Variants in ELOVL6 observed in about 807,000 individuals in gnomAD.
ELOVL6 encodes the protein very long chain fatty acid elongase 6.
ELOVL6 carries 8 observed loss-of-function variants against 31.7 expected under a neutral mutation model. The ratio of observed to expected loss-of-function variants is 0.25; its 90% CI spans 0.15 to 0.45. ELOVL6 has a LOEUF of 0.45. Among genes scored for constraint, ELOVL6 ranks in the 20% least tolerant of loss-of-function variants. The pLI, the probability that ELOVL6 is intolerant of heterozygous loss-of-function variation, is 1.00. For synonymous variants in ELOVL6, 101 were observed against 117.7 expected (o/e 0.86, Z 0.92); for missense variants, 126 against 326.4 (o/e 0.39, Z 4.73).
At chr4:110,066,277 C>T (rs951605436) in intron 2 of ELOVL6, among the ~76,000 whole-genome samples, 1 of 152,086 alleles carries the variant, frequency 6.6e-6, no homozygotes, top group African/African-American at 2.4e-5. Flanking sequence ...AAATTAATCT[C>T]AAACCCACTG....
At chr4:110,141,072 G>C (rs1056731391) in intron 1 of ELOVL6, among the ~76,000 whole-genome samples, 2 of 150,900 alleles carry the variant, frequency 1.3e-5, no homozygotes, top group African/African-American at 4.9e-5. Flanking sequence ...GGTTTTTTTT[G>C]TTTTTTTTGA....
chr4:110,188,093 G>A (rs2126280646), intron 1 of ELOVL6, among the ~76,000 whole-genome samples: 1 of 152,242 alleles, frequency 6.6e-6, no homozygotes, highest in East Asian at 1.9e-4. Context: ...GTCAACAGTG[G>A]GTGGCTATTT....
chr4:110,070,740 C>G (rs1755450018), intron 2 of ELOVL6, among the ~76,000 whole-genome samples: 3 of 152,180 alleles, frequency 2.0e-5, no homozygotes, highest in Admixed American at 2.0e-4. Context: ...GCACCTCACC[C>G]TTGGCTCTCT....
chr4:110,084,020 C>CAT lies in ELOVL6; in HGVS notation c.221+21475_221+21476dup, dbSNP rs1332400001. Among the ~76,000 whole-genome samples, 18 of 4,032 alleles carry CAT rather than the reference C, an allele frequency of 4.5e-3. 1 individual carries two copies. The highest frequency in any genetic ancestry group is 8.6e-3 in the South Asian group (1 of 116). 2.6% of individuals were successfully genotyped at this position (4,032 alleles called of 152,430 possible). On this transcript the variant is annotated intron_variant, in intron 2 of 3. Transcript: ENST00000302274. ...AACATATGCCATATATGGTATATAA[C>CAT]ATATGCCATATATGGTATATAACAC...
intron 1 of ELOVL6, among the ~76,000 whole-genome samples, chr4:110,128,841 T>A (rs1578502260): frequency 6.6e-6 from 1 of 152,348 alleles, no homozygotes; most frequent in Admixed American, 6.5e-5. Context: ...CAGTCATCCA[T>A]ATTTCCAACC....
At chr4:110,084,093 CAT>C (rs372818778) in intron 2 of ELOVL6, among the ~76,000 whole-genome samples, 1,585 of 75,210 alleles carry the variant, frequency 0.021, 88 homozygotes, top group African/African-American at 0.025. Context: ...TGATATATAA[CAT>C]ATATATGATA....
At chr4:110,085,751 T>C (rs1578470164) in intron 2 of ELOVL6, among the ~76,000 whole-genome samples, 1 of 152,194 alleles carries the variant, frequency 6.6e-6, no homozygotes, top group East Asian at 1.9e-4. Flanking sequence ...AAACAGGACC[T>C]CACTTTGTCT....
intron 1 of ELOVL6, among the ~76,000 whole-genome samples, chr4:110,167,503 C>T (rs1758810641): frequency 6.6e-6 from 1 of 151,648 alleles, no homozygotes; most frequent in Non-Finnish European, 1.5e-5. Context: ...TTTTTGGTTG[C>T]AGAGAGGGGA....
At chr4:110,062,930 T>C (rs892404567) in intron 2 of ELOVL6, among the ~76,000 whole-genome samples, 2 of 152,208 alleles carry the variant, frequency 1.3e-5, no homozygotes, top group Non-Finnish European at 2.9e-5. Context: ...TATGAATTTT[T>C]TGAAGCAATA....
intron 2 of ELOVL6, among the ~76,000 whole-genome samples, chr4:110,084,191 A>ATGTGAT (rs1454578180): frequency 3.4e-5 from 3 of 87,228 alleles, no homozygotes; most frequent in African/African-American, 4.9e-5. Flanking sequence ...TATAACATAT[A>ATGTGAT]ACTTATATGA....
chr4:110,160,550 A>G (rs116418972), intron 1 of ELOVL6, among the ~76,000 whole-genome samples: 3,009 of 152,340 alleles, frequency 0.02, 49 homozygotes, highest in South Asian at 0.051. Flanking sequence ...GTGCTAGTTT[A>G]CAAGCTTCCA....
intron 1 of ELOVL6, among the ~76,000 whole-genome samples, chr4:110,159,187 ATAAAGATTTTCCTT>A (rs1011746641): frequency 3.3e-5 from 5 of 152,314 alleles, no homozygotes; most frequent in African/African-American, 1.2e-4. Flanking sequence ...CTTTATTTAA[ATAAAGATTTTCCTT>A]TATGCATTTA....
At chr4:110,131,839 A>G (rs1446570911) in intron 1 of ELOVL6, among the ~76,000 whole-genome samples, 3 of 152,224 alleles carry the variant, frequency 2.0e-5, no homozygotes, top group African/African-American at 7.2e-5. Context: ...ACAAGTAAAC[A>G]AAAATCTATA....
chr4:110,157,806 A>T (rs1380386901), intron 1 of ELOVL6, among the ~76,000 whole-genome samples: 1 of 152,242 alleles, frequency 6.6e-6, no homozygotes, highest in Non-Finnish European at 1.5e-5. Flanking sequence ...GCCCTCAGGG[A>T]ACTACACATG....
intron 1 of ELOVL6, among the ~76,000 whole-genome samples, chr4:110,183,612 A>AT (rs34605233): frequency 6.4e-4 from 96 of 149,742 alleles, no homozygotes; most frequent in Admixed American, 2.1e-3. Context: ...TTACAGATCT[A>AT]TTTTTTTTTT....
Position 110,157,249 on chromosome 4 carries a change from A to G in ELOVL6, c.89+40998T>C, listed in dbSNP as rs548154139. 2.6e-5 allele frequency among the ~76,000 whole-genome samples: 4 copies of G among 152,336 alleles called. No individual in the cohort carries two copies. In the South Asian group the frequency reaches 8.3e-4, roughly 32 times the overall value. ...AAAAAGTAGGAGAAACTGAAGCATA[A>G]TATGAAATTAATTTGGTACATACAA... On this transcript the variant is annotated intron_variant, in intron 1 of 3. Transcript: ENST00000302274.
At chr4:110,174,027 T>C (rs1197316611) in intron 1 of ELOVL6, among the ~76,000 whole-genome samples, 1 of 151,846 alleles carries the variant, frequency 6.6e-6, no homozygotes, top group Non-Finnish European at 1.5e-5. Flanking sequence ...AAGATAAATA[T>C]TCGTTGGATA....
intron 1 of ELOVL6, among the ~76,000 whole-genome samples, chr4:110,110,318 AATTCTGCCACATTCTTAAGG>A (rs1485591525): frequency 6.6e-6 from 1 of 151,898 alleles, no homozygotes; most frequent in Non-Finnish European, 1.5e-5. Context: ...TCCAGGGCTT[AATTCTGCCACATTCTTAAGG>A]ATTCTGCAAG....
chr4:110,194,590 T>C (rs1425650908), intron 1 of ELOVL6, among the ~76,000 whole-genome samples: 1 of 152,224 alleles, frequency 6.6e-6, no homozygotes, highest in Non-Finnish European at 1.5e-5. Flanking sequence ...ACTTGAAAAC[T>C]AGCCTCAGTT....
Sources: gnomAD v4.1 joint callset for allele counts (sites outside exome capture counted in the v4.1 genomes callset) on GRCh38, gnomAD v4.1.1 for gene constraint, MANE v1.5 for transcripts, NCBI Gene and HGNC (gene_info 2026-07-23, HGNC 2026-07-21) for gene names.